The following KHDC1 variants were observed in gnomAD, a reference collection of about 807,000 sequenced individuals.
KHDC1 encodes the protein KH domain containing 1.
In KHDC1, 21 loss-of-function variants were observed where a neutral mutation model predicts 24.7. The ratio of observed to expected loss-of-function variants is 0.85; its 90% confidence interval spans 0.60 to 1.23. The LOEUF is 1.23. Among genes scored for constraint, KHDC1 ranks in the 50% most tolerant of loss-of-function variants. The probability of loss-of-function intolerance (pLI) is 0.00; values close to 1 mark genes in which losing one functional copy is unlikely to be tolerated. For missense variants in KHDC1, 274 were observed against 298.5 expected (o/e 0.92, Z 0.61); for synonymous variants, 98 against 111.7 (o/e 0.88, Z 0.77).
intron 2 of KHDC1, among the ~76,000 whole-genome samples, chr6:73,272,371 TCCGC>T (rs1413665939): frequency 2.2e-5 from 3 of 137,012 alleles, no homozygotes; most frequent in East Asian, 2.2e-4. Flanking sequence ...GACCTTGTGA[TCCGC>T]CCACCCACCC....
intron 2 of KHDC1, among the ~76,000 whole-genome samples, chr6:73,281,205 G>A (rs995157010): frequency 7.2e-5 from 11 of 152,238 alleles, no homozygotes; most frequent in Admixed American, 3.3e-4. Context: ...CAGGCGTGGT[G>A]GCACACACCT....
intron 2 of KHDC1, among the ~76,000 whole-genome samples, chr6:73,272,856 C>CTTTTTTTTTTTTTTTTTT (rs1158620688): frequency 7.4e-6 from 1 of 135,276 alleles, no homozygotes. Flanking sequence ...CTTTTCTTTT[C>CTTTTTTTTTTTTTTTTTT]TTTTTCTTTT....
intron 2 of KHDC1, 105 bp from the exon 2 acceptor site, chr6:73,242,635 C>A (rs910077506): frequency 2.1e-6 from 3 of 1,411,488 alleles, no homozygotes; most frequent in South Asian, 1.3e-5. Flanking sequence ...AACAACCTGC[C>A]CCTTGAACTA....
chr6:73,272,325 G>T (rs1767194687), intron 2 of KHDC1, among the ~76,000 whole-genome samples: 1 of 151,578 alleles, frequency 6.6e-6, no homozygotes, highest in Non-Finnish European at 1.5e-5. Context: ...CCACGTCGGG[G>T]TTTCACCATG....
chr6:73,258,603 C>T (rs1415048026), intron 2 of KHDC1, among the ~76,000 whole-genome samples: 2 of 152,156 alleles, frequency 1.3e-5, no homozygotes, highest in Non-Finnish European at 1.5e-5. Context: ...AGGAAGGATG[C>T]ATTTGACCAT....
intron 1 of KHDC1, chr6:73,292,447 CAG>C: frequency 2.6e-6 from 2 of 773,898 alleles, no homozygotes; most frequent in Admixed American, 3.4e-5. Context: ...CAGCAACAGA[CAG>C]AAATGCTGTA....
intron 2 of KHDC1, chr6:73,263,067 G>GGCAGCAGCGGCGGCAGCGGCA (rs1554225337): frequency 1.8e-5 from 2 of 108,764 alleles, no homozygotes; most frequent in African/African-American, 8.6e-5. Flanking sequence ...CGGCGGCGGC[G>GGCAGCAGCGGCGGCAGCGGCA]GCAGCGGCGG....
chr6:73,300,891 A>G (rs16883564), intron 1 of KHDC1: 11,696 of 152,308 alleles, frequency 0.077, 509 homozygotes, highest in Non-Finnish European at 0.092. Context: ...TACGTGTCCA[A>G]TGAATTCAAA....
chr6:73,290,105 TCAAA>T (rs1767616861), intron 2 of KHDC1, among the ~76,000 whole-genome samples: 1 of 10,388 alleles, frequency 9.6e-5, no homozygotes, highest in African/African-American at 2.2e-4. Context: ...AGACTCCGTC[TCAAA>T]AAAAAAAAAA....
intron 1 of KHDC1, among the ~76,000 whole-genome samples, chr6:73,302,904 C>T (rs148785229): frequency 0.016 from 2,492 of 152,190 alleles, 35 homozygotes; most frequent in Middle Eastern, 0.034. Context: ...TAGTGAAACC[C>T]GGTCTCTACT....
chr6:73,297,003 C>T (rs565984781), intron 1 of KHDC1, among the ~76,000 whole-genome samples: 22 of 152,206 alleles, frequency 1.4e-4, no homozygotes, highest in African/African-American at 4.8e-4. Flanking sequence ...TGAGTTCAAG[C>T]AATTCTCCTG....
chr6:73,306,381 T>C (rs1250787354), intron 1 of KHDC1, among the ~76,000 whole-genome samples: 1 of 152,118 alleles, frequency 6.6e-6, no homozygotes, highest in African/African-American at 2.4e-5. Context: ...TCCCAGCTAT[T>C]TCCCCATCCC....
Position 73,241,705 on chromosome 6 carries a change from G to C in KHDC1, c.538C>G (p.Arg180Gly), listed in dbSNP as rs768707302. Residue 180 changes from arginine (R) to glycine (G), a missense_variant, in exon 5 of 5, where the codon CGA becomes GGA. Coordinates refer to ENST00000370384, the Ensembl canonical transcript of KHDC1. ...TCATCGTTGGTCAGAGGCTGGCTTC[G>C]GACACGTTCCAGCATCTCCAGGCCT... 1.8e-5 allele frequency: 29 copies of C among 1,614,034 alleles called. No homozygotes were observed. The Admixed American group carries it at 4.8e-4, about 27-fold the overall frequency.
chr6:73,250,479 C>T (rs1415148109), intron 2 of KHDC1, among the ~76,000 whole-genome samples: 1 of 152,196 alleles, frequency 6.6e-6, no homozygotes, highest in Non-Finnish European at 1.5e-5. Flanking sequence ...ATTTTGCTAC[C>T]AACCTGAAGA....
intron 2 of KHDC1, among the ~76,000 whole-genome samples, chr6:73,263,940 T>G (rs1199878329): frequency 6.6e-6 from 1 of 152,208 alleles, no homozygotes; most frequent in Non-Finnish European, 1.5e-5. Flanking sequence ...GGCTCACACC[T>G]GTAATCCCAA....
intron 2 of KHDC1, among the ~76,000 whole-genome samples, chr6:73,245,964 G>A (rs1287330512): frequency 6.6e-6 from 1 of 152,182 alleles, no homozygotes; most frequent in Non-Finnish European, 1.5e-5. Flanking sequence ...TAGCATAGTG[G>A]TAAATTATTT....
intron 2 of KHDC1, among the ~76,000 whole-genome samples, chr6:73,261,894 A>G (rs1482041653): frequency 2.0e-5 from 3 of 150,468 alleles, no homozygotes; most frequent in Non-Finnish European, 4.4e-5. Flanking sequence ...CCTGGGTGAC[A>G]GAGCAAGACT....
intron 1 of KHDC1, among the ~76,000 whole-genome samples, chr6:73,305,577 T>A (rs1767948812): frequency 6.6e-6 from 1 of 152,176 alleles, no homozygotes; most frequent in Admixed American, 6.6e-5. Flanking sequence ...CCCTCAAAGG[T>A]TAACAAATAA....
chr6:73,308,306 C>T (rs145188596), intron 1 of KHDC1, among the ~76,000 whole-genome samples: 4 of 151,856 alleles, frequency 2.6e-5, no homozygotes, highest in African/African-American at 9.7e-5. Context: ...GATCCCCTGA[C>T]CTCATGATCC....
Sources: allele counts gnomAD v4.1 joint callset (sites outside exome capture counted in the v4.1 genomes callset), GRCh38; gene constraint gnomAD v4.1.1; transcripts MANE v1.5; gene names NCBI Gene and HGNC (gene_info 2026-07-23, HGNC 2026-07-21).